Variants in CCSER1 observed in about 807,000 individuals in gnomAD.
The protein encoded by CCSER1 is serine-rich coiled-coil domain-containing protein 1.
In CCSER1, 41 loss-of-function variants were observed where a neutral mutation model predicts 82.0. That is an observed-to-expected ratio of 0.50 (90% CI 0.39 to 0.65). The LOEUF is 0.65. Ranked by LOEUF, CCSER1 falls within the 30% of genes least tolerant of loss-of-function variation. CCSER1 has a pLI of 0.00. For synonymous variants in CCSER1, 414 were observed against 383.9 expected, an observed-to-expected ratio of 1.08 and a Z score of -0.92; for missense variants, 1,119 against 1,064.2, an observed-to-expected ratio of 1.05 and a Z score of -0.72.
chr4:91,300,162 C>A (rs998157654), intron 10 of CCSER1, among the ~76,000 whole-genome samples: 1 of 151,522 alleles, frequency 6.6e-6, no homozygotes, highest in African/African-American at 2.4e-5. Context: ...ATCAGGGAGG[C>A]CTGTTATAAA....
intron 10 of CCSER1, among the ~76,000 whole-genome samples, chr4:91,247,249 C>A (rs1739867351): frequency 6.6e-6 from 1 of 150,934 alleles, no homozygotes; most frequent in Admixed American, 6.6e-5. Flanking sequence ...TTGCAGTGAG[C>A]CGAGATTGTG....
At chr4:91,305,986 T>G (rs543062984) in intron 10 of CCSER1, among the ~76,000 whole-genome samples, 1 of 151,232 alleles carries the variant, frequency 6.6e-6, no homozygotes, top group African/African-American at 2.4e-5. Flanking sequence ...TCATAACACA[T>G]GGGAATTATG....
chr4:91,279,937 C>T (rs958419749), intron 10 of CCSER1, among the ~76,000 whole-genome samples: 4 of 151,996 alleles, frequency 2.6e-5, no homozygotes, highest in African/African-American at 7.3e-5. Flanking sequence ...CTGTGGTGTT[C>T]GTTGGATAAG....
chr4:91,182,483 C>T lies in CCSER1; in HGVS notation c.2217+96489C>T, dbSNP rs185904263. On this transcript the variant is annotated intron_variant, in intron 10 of 10. Transcript: ENST00000509176. ...ATAATGCTAGATTCAGTTGCATCTGCGGTCTTCCATATTTTATCTCCCCCT... is the reference window on the plus strand; with the variant it reads ...ATAATGCTAGATTCAGTTGCATCTGTGGTCTTCCATATTTTATCTCCCCCT... Among the ~76,000 whole-genome samples the T allele has an allele frequency of 4.5e-4, 68 of 152,278 alleles. No individual in the cohort carries two copies. In the East Asian group the frequency reaches 8.5e-3, roughly 19 times the overall value.
intron 9 of CCSER1, among the ~76,000 whole-genome samples, chr4:91,053,669 C>A (rs1406264410): frequency 3.0e-4 from 45 of 152,204 alleles, no homozygotes; most frequent in Non-Finnish European, 1.5e-5. Context: ...TCCCCAGATG[C>A]AATCACTGTC....
Position 90,324,279 on chromosome 4 carries a change from C to T in CCSER1, c.1509+11232C>T, listed in dbSNP as rs557860179. Among the ~76,000 whole-genome samples, 327 of 152,030 alleles carry T rather than the reference C, an allele frequency of 2.2e-3. 3 individuals carry two copies. The highest frequency in any genetic ancestry group is 3.7e-3 in the Non-Finnish European group (251 of 67,996). ...CACAATGGTTGAACTAGCTTACAGT[C>T]CCACCAACAGTGTCAAAGTGTTCCT... is the stretch of plus-strand genomic sequence containing the variant. On this transcript the variant is annotated intron_variant, in intron 3 of 10. Coordinates refer to ENST00000509176, the MANE Select transcript of CCSER1 (RefSeq NM_001145065.2).
chr4:91,143,172 G>T (rs1330451540), intron 10 of CCSER1, among the ~76,000 whole-genome samples: 1 of 151,030 alleles, frequency 6.6e-6, no homozygotes, highest in Non-Finnish European at 1.5e-5. Context: ...GTTTTTTGTA[G>T]TTTTCCTTGT....
intron 10 of CCSER1, among the ~76,000 whole-genome samples, chr4:91,339,456 G>A (rs1747550365): frequency 6.6e-6 from 1 of 152,048 alleles, no homozygotes; most frequent in South Asian, 2.1e-4. Flanking sequence ...ATATGGGGGG[G>A]TAGGGCTGAC....
chr4:91,474,486 T>A (rs1242056130), intron 10 of CCSER1, among the ~76,000 whole-genome samples: 1 of 151,628 alleles, frequency 6.6e-6, no homozygotes, highest in Non-Finnish European at 1.5e-5. Flanking sequence ...CATTCTATTC[T>A]ATTCTTAAAA....
intron 10 of CCSER1, among the ~76,000 whole-genome samples, chr4:91,193,250 A>G (rs1291926798): frequency 6.6e-6 from 1 of 152,160 alleles, no homozygotes; most frequent in Non-Finnish European, 1.5e-5. Context: ...AAAAGTTATA[A>G]TCCACAGCAA....
chr4:91,042,786 A>G (rs559614886), intron 9 of CCSER1, among the ~76,000 whole-genome samples: 29 of 152,260 alleles, frequency 1.9e-4, no homozygotes, highest in African/African-American at 6.7e-4. Flanking sequence ...TACAGGGGGG[A>G]AAAAGTACGT....
chr4:91,471,053 A>T (rs1414694138), intron 10 of CCSER1, among the ~76,000 whole-genome samples: 1 of 152,166 alleles, frequency 6.6e-6, no homozygotes, highest in African/African-American at 2.4e-5. Context: ...CAAAAAGCCT[A>T]CTTATATAAC....
intron 10 of CCSER1, among the ~76,000 whole-genome samples, chr4:91,175,002 G>C (rs1464573910): frequency 6.6e-6 from 1 of 152,058 alleles, no homozygotes; most frequent in African/African-American, 2.4e-5. Flanking sequence ...GCCCCAGTGT[G>C]TGATGTTCCC....
At chr4:90,225,567 T>C (rs1444648995) in intron 1 of CCSER1, among the ~76,000 whole-genome samples, 1 of 152,322 alleles carries the variant, frequency 6.6e-6, no homozygotes, top group East Asian at 1.9e-4. Context: ...TAGAGGCTTA[T>C]AGAGGCTATG....
chr4:91,131,267 G>T (rs1045363105), intron 10 of CCSER1, among the ~76,000 whole-genome samples: 1 of 150,564 alleles, frequency 6.6e-6, no homozygotes, highest in African/African-American at 2.4e-5. Flanking sequence ...TCAAATTAAG[G>T]GTGATGTACT....
chr4:91,088,615 T>C (rs887763902), intron 10 of CCSER1, among the ~76,000 whole-genome samples: 3 of 152,186 alleles, frequency 2.0e-5, no homozygotes, highest in African/African-American at 7.2e-5. Flanking sequence ...AATAACCCCA[T>C]TTATATTGGT....
chr4:90,667,070 C>G (rs1407843448), intron 6 of CCSER1, among the ~76,000 whole-genome samples: 1 of 152,132 alleles, frequency 6.6e-6, no homozygotes, highest in Non-Finnish European at 1.5e-5. Flanking sequence ...AGAGTTAACA[C>G]CGAATCGACT....
intron 10 of CCSER1, among the ~76,000 whole-genome samples, chr4:91,395,760 G>GA (rs199616939): frequency 4.5e-4 from 68 of 151,178 alleles, no homozygotes; most frequent in African/African-American, 1.1e-3. Flanking sequence ...AAATGAGAAA[G>GA]AAAAAAAAAT....
intron 5 of CCSER1, among the ~76,000 whole-genome samples, chr4:90,485,847 C>T (rs538161486): frequency 1.4e-4 from 21 of 152,138 alleles, no homozygotes; most frequent in Non-Finnish European, 2.6e-4. Flanking sequence ...TTATCTCCAG[C>T]TCCATGCACA....
Sources: allele counts gnomAD v4.1 joint callset (sites outside exome capture counted in the v4.1 genomes callset), GRCh38; gene constraint gnomAD v4.1.1; transcripts MANE v1.5; gene names NCBI Gene and HGNC (gene_info 2026-07-23, HGNC 2026-07-21).